Variants in FARS2 observed in about 807,000 individuals in gnomAD.
The protein encoded by FARS2 is phenylalanyl-tRNA synthetase 2, mitochondrial.
A neutral mutation model predicts 46.4 loss-of-function variants in FARS2; 40 were observed. That is an observed-to-expected ratio of 0.86 (90% CI 0.67 to 1.12). The LOEUF (loss-of-function observed/expected upper bound fraction) is 1.12. FARS2 is among the 50% of genes most tolerant of loss of function. The pLI, the probability that FARS2 is intolerant of heterozygous loss-of-function variation, is 0.00. For synonymous variants in FARS2, 234 were observed against 214.9 expected (o/e 1.09, Z -0.78); for missense variants, 513 against 567.9 (o/e 0.90, Z 0.98).
At chr6:5,657,446 A>G (rs1777654114) in intron 6 of FARS2, among the ~76,000 whole-genome samples, 1 of 152,238 alleles carries the variant, frequency 6.6e-6, no homozygotes, top group Non-Finnish European at 1.5e-5. Flanking sequence ...AGATGCGGGA[A>G]ATCATTGAAA....
At chr6:5,539,552 TA>T (rs886439421) in intron 4 of FARS2, among the ~76,000 whole-genome samples, 1 of 151,902 alleles carries the variant, frequency 6.6e-6, no homozygotes, top group African/African-American at 2.4e-5. Context: ...ACATTTCTAA[TA>T]AACCAGCTCT....
At chr6:5,404,732 T>C in intron 3 of FARS2, 31 bp downstream of exon 3, 1 of 1,452,778 alleles carries the variant, frequency 6.9e-7, no homozygotes, top group Non-Finnish European at 9.3e-7. Context: ...TGACGATCTC[T>C]TATCTGAAAT....
chr6:5,714,612 A>C (rs1759385018), intron 6 of FARS2, among the ~76,000 whole-genome samples: 1 of 152,182 alleles, frequency 6.6e-6, no homozygotes, highest in African/African-American at 2.4e-5. Context: ...AGAGCCAACA[A>C]AGGAAGACTT....
At chr6:5,409,414 G>A (rs1300994860) in intron 3 of FARS2, among the ~76,000 whole-genome samples, 3 of 150,708 alleles carry the variant, frequency 2.0e-5, no homozygotes, top group African/African-American at 7.4e-5. Context: ...TTGCACCACC[G>A]TACTCCAGCC....
intron 4 of FARS2, chr6:5,466,984 T>C (rs1237922204): frequency 1.0e-6 from 1 of 985,442 alleles, no homozygotes; most frequent in Non-Finnish European, 1.2e-6. Context: ...TATTCTTCAG[T>C]TCGTGCAACA....
At chr6:5,544,613 G>A (rs553969387) in intron 4 of FARS2, among the ~76,000 whole-genome samples, 87 of 152,242 alleles carry the variant, frequency 5.7e-4, no homozygotes, top group African/African-American at 2.0e-3. Context: ...TATACCCCTC[G>A]TCTGGGCCTG....
rs530874071 is a variant in FARS2 at position 5,406,684 on chromosome 6, G to A, written c.772+1983G>A. 9.2e-5 allele frequency among the ~76,000 whole-genome samples: 14 copies of A among 151,714 alleles called. No homozygotes were observed. In the South Asian group the frequency reaches 2.9e-3, roughly 32 times the overall value. On this transcript the variant is annotated intron_variant, in intron 3 of 6. Transcript: ENST00000274680. ...CATACATTCATTGATAGGTATCTGG[G>A]TAGTTTCCAGTTTTTTGCTATTATC...
intron 5 of FARS2, among the ~76,000 whole-genome samples, chr6:5,569,740 G>A (rs1772531451): frequency 6.6e-6 from 1 of 152,180 alleles, no homozygotes. Context: ...AGCCCTTTAA[G>A]AGAGGATGGT....
At chr6:5,257,786 A>G (rs934580672), upstream of FARS2, among the ~76,000 whole-genome samples, 1 of 152,198 alleles carries the variant, frequency 6.6e-6, no homozygotes, top group African/African-American at 2.4e-5. Context: ...GACCCGGTCC[A>G]TGGAAAAACT....
At chr6:5,287,677 A>G (rs6908240) in intron 1 of FARS2, among the ~76,000 whole-genome samples, 118,842 of 152,160 alleles carry the variant, frequency 0.78, 47,138 homozygotes, top group African/African-American at 0.92. Flanking sequence ...GGAGGACCTC[A>G]TAGAATGCCA....
At chr6:5,341,014 G>A (rs1404407431) in intron 1 of FARS2, among the ~76,000 whole-genome samples, 1 of 151,048 alleles carries the variant, frequency 6.6e-6, no homozygotes, top group African/African-American at 2.4e-5. Context: ...CAGGCATGGT[G>A]ACGTGCGCCT....
chr6:5,315,761 T>TCTTTCTTTC (rs1561952069), intron 1 of FARS2, among the ~76,000 whole-genome samples: 1 of 132,642 alleles, frequency 7.5e-6, no homozygotes, highest in Admixed American at 7.3e-5. Flanking sequence ...TTTCTTTCTT[T>TCTTTCTTTC]TTTTTGGGGA....
Position 5,405,776 on chromosome 6 carries a change from T to G in FARS2, c.772+1075T>G, listed in dbSNP as rs183809460. ...CAAAGTGCTGGGATTACAGGCGTGA[T>G]CCACGGCGCCCGGCCCAGTGGAGCA... On this transcript the variant is annotated intron_variant, in intron 3 of 6. Transcript: ENST00000274680. Among the ~76,000 whole-genome samples the G allele has an allele frequency of 2.3e-3, 355 of 152,198 alleles. 1 individual carries two copies. The highest frequency in any genetic ancestry group is 6.9e-3 in the African/African-American group (287 of 41,534).
chr6:5,560,812 A>G (rs1771939095), intron 5 of FARS2, among the ~76,000 whole-genome samples: 1 of 152,044 alleles, frequency 6.6e-6, no homozygotes, highest in Non-Finnish European at 1.5e-5. Flanking sequence ...TTTCTAGGGA[A>G]TTGTCTGTTT....
chr6:5,434,091 T>C (rs1763381705), intron 4 of FARS2, among the ~76,000 whole-genome samples: 1 of 146,866 alleles, frequency 6.8e-6, no homozygotes, highest in South Asian at 2.3e-4. Context: ...GGGGAAACTG[T>C]ACACATAAAA....
chr6:5,461,064 G>A (rs1283266183), intron 4 of FARS2, among the ~76,000 whole-genome samples: 3 of 150,144 alleles, frequency 2.0e-5, no homozygotes, highest in East Asian at 2.0e-4. Flanking sequence ...TTTGAGTCAC[G>A]GTATCACTCT....
intron 4 of FARS2, among the ~76,000 whole-genome samples, chr6:5,435,764 T>G (rs1320912926): frequency 6.6e-6 from 1 of 152,106 alleles, no homozygotes; most frequent in Non-Finnish European, 1.5e-5. Context: ...AGGAAGGAAT[T>G]TACCATTCCT....
At chr6:5,537,438 TTGGAGATGTCCCGGGCCTCCTCTCGAGC>T (rs143569486) in intron 4 of FARS2, among the ~76,000 whole-genome samples, 4,127 of 146,646 alleles carry the variant, frequency 0.028, 131 homozygotes, top group South Asian at 0.037. Context: ...TCCTCTCGAG[TTGGAGATGTCCCGGGCCTCCTCTCGAGC>T]TGGAGATGTC....
At chr6:5,483,487 A>C (rs766608977) in intron 4 of FARS2, among the ~76,000 whole-genome samples, 10 of 152,028 alleles carry the variant, frequency 6.6e-5, no homozygotes, top group Non-Finnish European at 1.3e-4. Flanking sequence ...GGCCAACATG[A>C]CAAAACCCTG....
Sources: gnomAD v4.1 joint callset for allele counts (sites outside exome capture counted in the v4.1 genomes callset) on GRCh38, gnomAD v4.1.1 for gene constraint, MANE v1.5 for transcripts, NCBI Gene and HGNC (gene_info 2026-07-23, HGNC 2026-07-21) for gene names.